The following RTN1 variants were observed in gnomAD, a reference collection of about 807,000 sequenced individuals.
RTN1 encodes the protein reticulon-1.
RTN1 carries 25 observed loss-of-function variants against 65.5 expected under a neutral mutation model. The observed-to-expected ratio is 0.38, with a 90% confidence interval of 0.28 to 0.53. The LOEUF is 0.53. Among genes scored for constraint, RTN1 ranks in the 20% least tolerant of loss-of-function variants. The pLI is 0.79. For synonymous variants in RTN1, 471 were observed against 447.6 expected, an observed-to-expected ratio of 1.05 and a Z score of -0.66; for missense variants, 983 against 1,025.4, an observed-to-expected ratio of 0.96 and a Z score of 0.57.
intron 1 of RTN1, among the ~76,000 whole-genome samples, chr14:59,759,581 G>A (rs906430804): frequency 2.0e-5 from 3 of 151,792 alleles, no homozygotes; most frequent in East Asian, 1.9e-4. Context: ...TCCCGGTTTC[G>A]TCTTCATCTA....
At chr14:59,841,625 T>A (rs566070125) in intron 1 of RTN1, among the ~76,000 whole-genome samples, 3 of 151,524 alleles carry the variant, frequency 2.0e-5, no homozygotes. Context: ...GAGAATCACT[T>A]GAACCCAGGA....
At chr14:59,626,477 T>C (rs1331883333) in intron 3 of RTN1, among the ~76,000 whole-genome samples, 1 of 152,196 alleles carries the variant, frequency 6.6e-6, no homozygotes, top group African/African-American at 2.4e-5. Context: ...CTAAGCATCC[T>C]GCCAGGTGAA....
chr14:59,870,554 C>G lies in RTN1; in HGVS notation c.77G>C (p.Gly26Ala). 1 of 1,457,674 alleles carries G rather than the reference C, an allele frequency of 6.9e-7. No homozygotes were observed. Among genetic ancestry groups the G allele is most frequent in the Non-Finnish European group, 9.0e-7 (1 of 1,110,440 alleles). 90.3% of individuals were successfully genotyped at this position (1,457,674 alleles called of 1,614,324 possible). ...GPGSQWLRHR[G>A]EGENEAVTPK... ...CGTCACCGCTTCGTTCTCCCCCTCCCCCCGGTGCCTGAGCCACTGGGACCC... is the reference window on the plus strand; with the variant it reads ...CGTCACCGCTTCGTTCTCCCCCTCCGCCCGGTGCCTGAGCCACTGGGACCC... The change falls in exon 1 of 9, where the codon GGG becomes GCG. Residue 26 changes from glycine to alanine, a missense_variant. Transcript: ENST00000267484. The surrounding 1 kb of genome is among the most constrained non-coding windows in gnomAD (Gnocchi z 5.1).
chr14:59,630,677 G>C lies in RTN1; in HGVS notation c.1766-23185C>G, dbSNP rs1049253084. ...GGGCGGGAGCGTCGCTGGCGCCGCA[G>C]TCTGCGCGGCCGGCAGCGAATCAGC... On this transcript the variant is annotated intron_variant, in intron 3 of 8. Transcript: ENST00000267484. The C allele has an allele frequency of 3.4e-6, 4 of 1,189,200 alleles. No individual in the cohort carries two copies. In the South Asian group the frequency reaches 1.5e-4, roughly 44 times the overall value. The allele number at this position is 1,189,200 out of a possible 1,614,324, so 73.7% of individuals were successfully genotyped here.
intron 3 of RTN1, among the ~76,000 whole-genome samples, chr14:59,675,052 TACACACACAC>T (rs5809041): frequency 6.8e-6 from 1 of 148,126 alleles, no homozygotes; most frequent in South Asian, 2.2e-4. Context: ...TGCAGATGAA[TACACACACAC>T]ACACACACAC....
intron 1 of RTN1, among the ~76,000 whole-genome samples, chr14:59,814,461 G>A (rs890190727): frequency 6.6e-6 from 1 of 152,174 alleles, no homozygotes; most frequent in Admixed American, 6.5e-5. Context: ...CTCTACATCC[G>A]AAAGCACAGG....
chr14:59,661,959 T>C (rs1230579183), intron 3 of RTN1, among the ~76,000 whole-genome samples: 3 of 152,198 alleles, frequency 2.0e-5, no homozygotes, highest in Non-Finnish European at 4.4e-5. Context: ...GGAAGTCAAA[T>C]TGTCCCTGTT....
At position 59,710,722 on chromosome 14, in the gene RTN1, G is replaced by A. The variant is rs931928187; in HGVS notation, c.1765+16197C>T. Among the ~76,000 whole-genome samples, 70 of 152,300 alleles carry A rather than the reference G, an allele frequency of 4.6e-4. 1 individual carries two copies. The highest frequency in any genetic ancestry group is 1.6e-4 in the Non-Finnish European group (11 of 68,020). On this transcript the variant is annotated intron_variant, in intron 3 of 8. Transcript: ENST00000267484. ...AAGGCAGCTTTGGAAGCCTCAGGTCGGGGGCTGATCCACAAAGGACAGCCC... is the reference window on the plus strand; with the variant it reads ...AAGGCAGCTTTGGAAGCCTCAGGTCAGGGGCTGATCCACAAAGGACAGCCC...
intron 1 of RTN1, among the ~76,000 whole-genome samples, chr14:59,841,181 T>C (rs1887305026): frequency 6.6e-6 from 1 of 152,072 alleles, no homozygotes; most frequent in African/African-American, 2.4e-5. Context: ...CAACAATCAT[T>C]AAGAACAATA....
rs1177537428 is a variant in RTN1 at position 59,711,415 on chromosome 14, G to A, written c.1765+15504C>T. ...ACTGAGAGATAAATGCTCTTCGTGAGTAATAGTAGGAGATCCACATATAAT... is the reference window on the plus strand; with the variant it reads ...ACTGAGAGATAAATGCTCTTCGTGAATAATAGTAGGAGATCCACATATAAT... On this transcript the variant is annotated intron_variant, in intron 3 of 8. Transcript: ENST00000267484. Among the ~76,000 whole-genome samples, 3 of 152,190 alleles carry A rather than the reference G, an allele frequency of 2.0e-5. No individual in the cohort carries two copies. The East Asian group carries it at 5.8e-4, about 29-fold the overall frequency.
chr14:59,832,363 G>A (rs778320724), intron 1 of RTN1, among the ~76,000 whole-genome samples: 9 of 151,364 alleles, frequency 5.9e-5, no homozygotes, highest in Non-Finnish European at 1.2e-4. Flanking sequence ...GAATATGGCT[G>A]TGGTGCAGGA....
chr14:59,606,125 T>TATATATATATATATATATATATAAAA (rs1345665820), intron 4 of RTN1: 1 of 111,466 alleles, frequency 9.0e-6, no homozygotes, highest in African/African-American at 3.8e-5. Context: ...TATATATATA[T>TATATATATATATATATATATATAAAA]ATCATACCAG....
intron 3 of RTN1, among the ~76,000 whole-genome samples, chr14:59,705,643 T>G (rs1480600040): frequency 6.6e-6 from 1 of 152,168 alleles, no homozygotes; most frequent in African/African-American, 2.4e-5. Flanking sequence ...CATAGAAAAA[T>G]TAGAAGAGTC....
intron 3 of RTN1, among the ~76,000 whole-genome samples, chr14:59,640,165 T>C (rs1283043560): frequency 2.6e-5 from 4 of 152,202 alleles, no homozygotes; most frequent in Non-Finnish European, 5.9e-5. Context: ...ACCAAGCCCA[T>C]CTGGGCTGGG....
At chr14:59,720,676 C>T (rs1258809053) in intron 3 of RTN1, among the ~76,000 whole-genome samples, 2 of 150,326 alleles carry the variant, frequency 1.3e-5, no homozygotes, top group Non-Finnish European at 3.0e-5. Flanking sequence ...GAGCTGAGAT[C>T]GCGCCACTGC....
chr14:59,620,775 G>A (rs10148760), intron 3 of RTN1, among the ~76,000 whole-genome samples: 16,518 of 152,130 alleles, frequency 0.11, 1,873 homozygotes, highest in African/African-American at 0.3. Flanking sequence ...AGAATTAGAT[G>A]CTGAATGTTC....
At chr14:59,765,040 ATG>A (rs1885824051) in intron 1 of RTN1, among the ~76,000 whole-genome samples, 1 of 152,180 alleles carries the variant, frequency 6.6e-6, no homozygotes, top group Admixed American at 6.5e-5. Flanking sequence ...ATATTTTAAA[ATG>A]TCTTTTAACT....
At chr14:59,859,681 A>C (rs1784259421) in intron 1 of RTN1, among the ~76,000 whole-genome samples, 1 of 152,226 alleles carries the variant, frequency 6.6e-6, no homozygotes, top group African/African-American at 2.4e-5. Flanking sequence ...CTGCCTAGAG[A>C]CTTGTTAAAC....
rs547160599 is a variant in RTN1, at chr14:59,749,587, T to C, written c.242-3106A>G. On this transcript the variant is annotated intron_variant, in intron 1 of 8. Coordinates refer to ENST00000267484, the MANE Select transcript of RTN1 (RefSeq NM_021136.3). ...TATATAGATATATATATATAGATATTTATATATATATCTATCTATATATAT... is the reference window on the plus strand; with the variant it reads ...TATATAGATATATATATATAGATATCTATATATATATCTATCTATATATAT... Among the ~76,000 whole-genome samples, 3 of 36,428 alleles carry C rather than the reference T, an allele frequency of 8.2e-5. 1 individual carries two copies. The highest frequency in any genetic ancestry group is 2.4e-4 in the African/African-American group (1 of 4,134). 23.9% of individuals were successfully genotyped at this position (36,428 alleles called of 152,430 possible). A position where few individuals can be genotyped will look rare whatever the true frequency, so the allele number is the denominator to read the frequency against.
Sources: gnomAD v4.1 joint callset for allele counts (sites outside exome capture counted in the v4.1 genomes callset) on GRCh38, gnomAD v4.1.1 for gene constraint, Gnocchi (gnomAD v3.1) non-coding constraint, MANE v1.5 for transcripts, NCBI Gene and HGNC (gene_info 2026-07-23, HGNC 2026-07-21) for gene names.